The following HTR2C variants were observed in gnomAD, a reference collection of about 807,000 sequenced individuals.
HTR2C encodes 5-hydroxytryptamine receptor 2C.
HTR2C carries 5 observed loss-of-function variants against 21.0 expected under a neutral mutation model. The observed-to-expected ratio is 0.24, with a 90% CI of 0.12 to 0.50. The LOEUF is 0.50. Ranked by LOEUF, HTR2C falls within the 20% of genes least tolerant of loss-of-function variation. The pLI is 0.98. For missense variants in HTR2C, 271 were observed against 371.2 expected (o/e 0.73, Z 2.22); for synonymous variants, 150 against 145.3 (o/e 1.03, Z -0.23).
intron 2 of HTR2C, among the ~76,000 whole-genome samples, chrX:114,690,962 T>A (rs2147860612): frequency 9.0e-6 from 1 of 111,256 alleles, no homozygotes; most frequent in Non-Finnish European, 1.9e-5. Flanking sequence ...TGGATATCAA[T>A]ACTTTTACTT....
At chrX:114,769,461 T>C (rs185486299) in intron 4 of HTR2C, among the ~76,000 whole-genome samples, 1 of 111,344 alleles carries the variant, frequency 9.0e-6, no homozygotes, top group Admixed American at 9.6e-5. Context: ...TATTCCTTTT[T>C]AAAATTGAGA....
At chrX:114,881,552 G>T (rs1425894825) in intron 5 of HTR2C, among the ~76,000 whole-genome samples, 2 of 108,093 alleles carry the variant, frequency 1.9e-5, no homozygotes, top group African/African-American at 6.7e-5. Context: ...TTATTGTTTA[G>T]CATGTTGGTA....
chrX:114,869,164 C>T (rs782143539), intron 5 of HTR2C, among the ~76,000 whole-genome samples: 4 of 111,551 alleles, frequency 3.6e-5, no homozygotes, highest in South Asian at 7.6e-4. Context: ...CTGCAAAGGA[C>T]GTGAACTCAT....
At chrX:114,867,429 G>T (rs1254916974) in intron 5 of HTR2C, among the ~76,000 whole-genome samples, 2 of 110,315 alleles carry the variant, frequency 1.8e-5, no homozygotes, top group Non-Finnish European at 3.8e-5. Context: ...TGAGTAGTTT[G>T]CAAATATTTT....
At chrX:114,780,740 G>A (rs1415378681) in intron 4 of HTR2C, among the ~76,000 whole-genome samples, 2 of 111,615 alleles carry the variant, frequency 1.8e-5, no homozygotes, top group Admixed American at 9.6e-5. Flanking sequence ...AGGTCTCAAA[G>A]AAGCAAATGC....
chrX:114,771,253 G>C (rs1346336006), intron 4 of HTR2C, among the ~76,000 whole-genome samples: 6 of 111,646 alleles, frequency 5.4e-5, no homozygotes, highest in Non-Finnish European at 1.1e-4. Context: ...GCTTGCCTCA[G>C]TTACTTTCCT....
At chrX:114,806,465 CAT>C (rs375790404) in intron 4 of HTR2C, among the ~76,000 whole-genome samples, 47,007 of 54,927 alleles carry the variant, frequency 0.86, 18,026 homozygotes, top group East Asian at 0.99. Context: ...ATATATACAC[CAT>C]ATATATATAC....
At chrX:114,794,364 A>G (rs1226304983) in intron 4 of HTR2C, among the ~76,000 whole-genome samples, 1 of 110,149 alleles carries the variant, frequency 9.1e-6, no homozygotes, top group Non-Finnish European at 1.9e-5. Context: ...GAGTTTAGCC[A>G]CATGTCTTTT....
At chrX:114,905,753 G>T (rs73222962) in intron 5 of HTR2C, among the ~76,000 whole-genome samples, 139 of 111,785 alleles carry the variant, frequency 1.2e-3, no homozygotes, top group Non-Finnish European at 2.3e-3. Context: ...ATTTCTGAAA[G>T]CTTCCAGATA....
chrX:114,726,247 C>T (rs1556421977), intron 2 of HTR2C, among the ~76,000 whole-genome samples: 3 of 112,595 alleles, frequency 2.7e-5, no homozygotes, highest in Non-Finnish European at 3.8e-5. Context: ...GTTGGAAAAG[C>T]GCAGTATTGG....
At chrX:114,725,477 C>T (rs1556421683) in intron 2 of HTR2C, among the ~76,000 whole-genome samples, 1 of 111,635 alleles carries the variant, frequency 9.0e-6, no homozygotes, top group African/African-American at 3.3e-5. Flanking sequence ...TCCCGTAGCT[C>T]AGAGTAATTT....
At chrX:114,704,758 C>G (rs62593119) in intron 2 of HTR2C, among the ~76,000 whole-genome samples, 3 of 107,891 alleles carry the variant, frequency 2.8e-5, no homozygotes, top group Non-Finnish European at 5.8e-5. Flanking sequence ...GAAAAGAGGA[C>G]GTCAAATTGT....
At chrX:114,748,045 A>C (rs1405344450) in intron 4 of HTR2C, among the ~76,000 whole-genome samples, 2 of 111,823 alleles carry the variant, frequency 1.8e-5, no homozygotes, top group Non-Finnish European at 3.7e-5. Flanking sequence ...GATAACTAAA[A>C]TAATTATTAA....
Position 114,908,041 on chromosome X carries a change from A to G in HTR2C, c.*626A>G, listed in dbSNP as rs782817451. ...TTTACTGCAATGTCTGTCCCTAAAC[A>G]TAGTGGTATTTTAACATAGCAGCTG... On this transcript the variant is annotated 3_prime_UTR_variant, in exon 6 of 6. Transcript: ENST00000276198. 8.9e-6 allele frequency: 1 copy of G among 112,547 alleles called. No individual in the cohort carries two copies. Among genetic ancestry groups the G allele is most frequent in the East Asian group, 2.8e-4 (1 of 3,558 alleles). The allele number at this position is 112,547 out of a possible 1,213,427, so 9.3% of individuals were successfully genotyped here.
chrX:114,895,531 A>G (rs1443917875), intron 5 of HTR2C, among the ~76,000 whole-genome samples: 4 of 111,142 alleles, frequency 3.6e-5, no homozygotes, highest in African/African-American at 9.8e-5. Flanking sequence ...TTTATCATGT[A>G]TCTGTTTTCT....
At chrX:114,752,625 TGGCAAAATTCCCAAGG>T (rs1346089528) in intron 4 of HTR2C, among the ~76,000 whole-genome samples, 3 of 111,094 alleles carry the variant, frequency 2.7e-5, no homozygotes, top group Non-Finnish European at 5.7e-5. Context: ...GCATACAGAT[TGGCAAAATTCCCAAGG>T]GGCATTATAA....
chrX:114,872,360 C>G (rs1397274358), intron 5 of HTR2C, among the ~76,000 whole-genome samples: 1 of 110,323 alleles, frequency 9.1e-6, no homozygotes, highest in Non-Finnish European at 1.9e-5. Context: ...ATTTAGTTTG[C>G]TCATTTTCTA....
At chrX:114,724,828 A>G (rs1556421502) in intron 2 of HTR2C, among the ~76,000 whole-genome samples, 1 of 102,400 alleles carries the variant, frequency 9.8e-6, no homozygotes, top group African/African-American at 3.5e-5. Context: ...TTCTTTAAGA[A>G]TGTTGAATAT....
intron 5 of HTR2C, among the ~76,000 whole-genome samples, chrX:114,885,739 AT>A (rs1328392208): frequency 1.8e-5 from 2 of 111,720 alleles, no homozygotes; most frequent in Admixed American, 9.6e-5. Flanking sequence ...AAAAATCTTT[AT>A]GAAATCCATA....
Sources: allele counts gnomAD v4.1 joint callset (sites outside exome capture counted in the v4.1 genomes callset), GRCh38; gene constraint gnomAD v4.1.1; transcripts MANE v1.5; gene names NCBI Gene and HGNC (gene_info 2026-07-23, HGNC 2026-07-21).